Variants in ZFAND3 observed in about 807,000 individuals in gnomAD.
ZFAND3 encodes AN1-type zinc finger protein 3.
A neutral mutation model predicts 29.6 loss-of-function variants in ZFAND3; 10 were observed. The ratio of observed to expected loss-of-function variants is 0.34; its 90% CI spans 0.21 to 0.57. The LOEUF (loss-of-function observed/expected upper bound fraction) is 0.57. Among genes scored for constraint, ZFAND3 ranks in the 20% least tolerant of loss-of-function variants. The pLI is 0.86. For missense variants in ZFAND3, 230 were observed against 304.5 expected (o/e 0.76, Z 1.82); for synonymous variants, 128 against 112.6 (o/e 1.14, Z -0.87).
chr6:38,140,982 C>T (rs1554183720), intron 5 of ZFAND3, among the ~76,000 whole-genome samples: 2 of 140,398 alleles, frequency 1.4e-5, no homozygotes, highest in Non-Finnish European at 3.1e-5. Flanking sequence ...TGCCCGCCCC[C>T]ACCCCCACCC....
At chr6:38,012,377 A>AT (rs67495073) in intron 2 of ZFAND3, among the ~76,000 whole-genome samples, 4,842 of 123,300 alleles carry the variant, frequency 0.039, 162 homozygotes, top group African/African-American at 0.08. Context: ...TTTTGATAGT[A>AT]TTTTTTTTTT....
intron 1 of ZFAND3, among the ~76,000 whole-genome samples, chr6:37,912,030 CTGTGTGTGTGTGTG>C (rs59017250): frequency 5.0e-5 from 7 of 139,706 alleles, no homozygotes; most frequent in East Asian, 4.2e-4. Flanking sequence ...AGTCTTTTAT[CTGTGTGTGTGTGTG>C]TGTGTGTGTG....
intron 1 of ZFAND3, among the ~76,000 whole-genome samples, chr6:37,889,129 C>T (rs558056142): frequency 1.8e-4 from 28 of 152,270 alleles, no homozygotes; most frequent in Middle Eastern, 3.4e-3. Flanking sequence ...TTCTCCATTA[C>T]GTAGTTAAAA....
rs115924711 is a variant in ZFAND3, at chr6:38,106,349, C to T, written c.362-10223C>T. ...GTATTTTTAGTAGAGATAGGGTCTC[C>T]ATGTTGGCCAGGCTGGTCTCAAACT... On this transcript the variant is annotated intron_variant, in intron 4 of 5. Transcript: ENST00000287218. Among the ~76,000 whole-genome samples, 1,449 of 152,162 alleles carry T rather than the reference C, an allele frequency of 9.5e-3. 20 individuals are homozygous for T. The highest frequency in any genetic ancestry group is 0.034 in the African/African-American group (1,394 of 41,504).
chr6:37,879,392 AG>A (rs1270134378), intron 1 of ZFAND3, among the ~76,000 whole-genome samples: 2 of 151,664 alleles, frequency 1.3e-5, no homozygotes, highest in Non-Finnish European at 1.5e-5. Flanking sequence ...AGGTAGGGGA[AG>A]ATTGGTGTTA....
chr6:38,060,333 A>G (rs1365955379), intron 2 of ZFAND3, among the ~76,000 whole-genome samples: 1 of 151,510 alleles, frequency 6.6e-6, no homozygotes, highest in Non-Finnish European at 1.5e-5. Flanking sequence ...TTCTGACAGT[A>G]CTCTAGCCAT....
chr6:37,975,333 T>A (rs2127430149), intron 2 of ZFAND3, among the ~76,000 whole-genome samples: 1 of 152,184 alleles, frequency 6.6e-6, no homozygotes, highest in East Asian at 1.9e-4. Flanking sequence ...TTTTTTCTTT[T>A]GTTACTGATA....
rs532716248 is a variant in ZFAND3, at chr6:37,934,590, G to C, written c.112+4591G>C. On this transcript the variant is annotated intron_variant, in intron 2 of 5. Transcript: ENST00000287218. ...CTCACGCCTGTAATCCCAGGACTTT[G>C]GGAGGCCCCAGGTGGGTGGATGGAT... Among the ~76,000 whole-genome samples, 3 of 149,912 alleles carry C rather than the reference G, an allele frequency of 2.0e-5. No individual in the cohort carries two copies. The South Asian group carries it at 6.3e-4, about 32-fold the overall frequency.
intron 2 of ZFAND3, among the ~76,000 whole-genome samples, chr6:38,024,167 A>G (rs1044504049): frequency 6.6e-6 from 1 of 152,126 alleles, no homozygotes; most frequent in Non-Finnish European, 1.5e-5. Flanking sequence ...AATTCAAAAC[A>G]GGTGTATAAA....
chr6:37,833,149 G>C (rs909059869), intron 1 of ZFAND3: 28 of 152,306 alleles, frequency 1.8e-4, no homozygotes, highest in Admixed American at 1.7e-3. Flanking sequence ...GGCTCAAGCA[G>C]TCCACCTCAG....
chr6:37,960,270 C>T (rs1343533268), intron 2 of ZFAND3, among the ~76,000 whole-genome samples: 1 of 152,180 alleles, frequency 6.6e-6, no homozygotes, highest in African/African-American at 2.4e-5. Flanking sequence ...GCAAAGCTGT[C>T]CTGCAACACA....
chr6:37,853,833 A>G (rs1481415174), intron 1 of ZFAND3, among the ~76,000 whole-genome samples: 1 of 152,186 alleles, frequency 6.6e-6, no homozygotes, highest in African/African-American at 2.4e-5. Flanking sequence ...CCAGTAAACT[A>G]TTTCGGGGGG....
chr6:37,887,858 T>G (rs1189246283), intron 1 of ZFAND3, among the ~76,000 whole-genome samples: 1 of 152,238 alleles, frequency 6.6e-6, no homozygotes, highest in Non-Finnish European at 1.5e-5. Flanking sequence ...ATGTATAGCC[T>G]TTTGGAAAAC....
chr6:38,008,404 A>C (rs1763086836), intron 2 of ZFAND3, among the ~76,000 whole-genome samples: 2 of 152,194 alleles, frequency 1.3e-5, no homozygotes, highest in Admixed American at 6.5e-5. Flanking sequence ...AAATAGAGGA[A>C]CATTTTTTTA....
intron 2 of ZFAND3, among the ~76,000 whole-genome samples, chr6:38,048,515 G>T (rs1190725526): frequency 6.6e-6 from 1 of 150,544 alleles, no homozygotes; most frequent in East Asian, 2.0e-4. Context: ...CGAGCTACTC[G>T]GGAGGCTGAG....
At chr6:37,854,342 G>A (rs1402727193) in intron 1 of ZFAND3, among the ~76,000 whole-genome samples, 1 of 152,150 alleles carries the variant, frequency 6.6e-6, no homozygotes, top group East Asian at 1.9e-4. Flanking sequence ...CCCATCTTTA[G>A]GGGAGACATG....
At chr6:38,077,117 CTT>C (rs531841469) in intron 3 of ZFAND3, among the ~76,000 whole-genome samples, 16 of 139,464 alleles carry the variant, frequency 1.1e-4, no homozygotes, top group Admixed American at 1.4e-4. Context: ...TTATTTTGTC[CTT>C]TTTTTTTTTT....
intron 1 of ZFAND3, among the ~76,000 whole-genome samples, chr6:37,914,495 C>T (rs1332966502): frequency 1.3e-5 from 2 of 151,694 alleles, no homozygotes; most frequent in Non-Finnish European, 2.9e-5. Flanking sequence ...TACACCACCA[C>T]ACCTGGCTGA....
At chr6:37,909,620 C>CT (rs34105026) in intron 1 of ZFAND3, among the ~76,000 whole-genome samples, 2,097 of 122,932 alleles carry the variant, frequency 0.017, 25 homozygotes, top group Middle Eastern at 0.034. Context: ...GTTCAGAATT[C>CT]TTTTTTTTTT....
Sources: gnomAD v4.1 joint callset for allele counts (sites outside exome capture counted in the v4.1 genomes callset) on GRCh38, gnomAD v4.1.1 for gene constraint, MANE v1.5 for transcripts, NCBI Gene and HGNC (gene_info 2026-07-23, HGNC 2026-07-21) for gene names.